The following EYS variants were observed in gnomAD, a reference collection of about 807,000 sequenced individuals.
EYS encodes the protein protein eyes shut homolog.
A neutral mutation model predicts 282.1 loss-of-function variants in EYS; 250 were observed. That is an observed-to-expected ratio of 0.89 (90% CI 0.80 to 0.98). EYS has a LOEUF of 0.98. Ranked by LOEUF, EYS falls within the 50% of genes least tolerant of loss-of-function variation. The pLI is 0.00. For missense variants in EYS, 4,016 were observed against 3,709.0 expected, an observed-to-expected ratio of 1.08 and a Z score of -2.15; for synonymous variants, 1,355 against 1,282.9, an observed-to-expected ratio of 1.06 and a Z score of -1.20.
chr6:63,893,250 C>A (rs1452326634), intron 35 of EYS, among the ~76,000 whole-genome samples: 2 of 152,158 alleles, frequency 1.3e-5, no homozygotes, highest in African/African-American at 4.8e-5. Flanking sequence ...GATTGTAAAT[C>A]ATTTTACTAT....
intron 5 of EYS, among the ~76,000 whole-genome samples, chr6:65,426,592 C>T (rs745959736): frequency 2.6e-4 from 39 of 152,186 alleles, no homozygotes; most frequent in Non-Finnish European, 4.9e-4. Context: ...ATCACCTCCA[C>T]TTTTTAAATT....
At chr6:64,082,093 T>A (rs1210127805) in intron 31 of EYS, 91 bp from the exon 32 acceptor site, 35 of 849,606 alleles carry the variant, frequency 4.1e-5, no homozygotes, top group Non-Finnish European at 6.0e-5. Context: ...AGCATTCATT[T>A]GAAAAGGTAA....
intron 36 of EYS, among the ~76,000 whole-genome samples, chr6:63,863,658 CTTTTCTTTTCTTTTTTCTTTT>C (rs1772592795): frequency 1.3e-5 from 1 of 78,980 alleles, no homozygotes; most frequent in African/African-American, 6.1e-5. Flanking sequence ...CTTTTCTTTT[CTTTTCTTTTCTTTTTTCTTTT>C]TTTTTTTTTT....
chr6:64,550,363 AG>A, intron 26 of EYS, among the ~76,000 whole-genome samples: 1 of 152,056 alleles, frequency 6.6e-6, no homozygotes, highest in South Asian at 2.1e-4. Flanking sequence ...ACAGTGTAAA[AG>A]TGTTCCTATT....
intron 1 of EYS, among the ~76,000 whole-genome samples, chr6:65,653,222 C>T (rs1229331001): frequency 1.3e-5 from 2 of 151,848 alleles, no homozygotes; most frequent in Non-Finnish European, 2.9e-5. Context: ...AAGCAGATGA[C>T]AGGGTTGCCC....
intron 2 of EYS, among the ~76,000 whole-genome samples, chr6:65,548,009 A>T (rs1411839): frequency 0.74 from 113,030 of 152,126 alleles, 42,714 homozygotes; most frequent in African/African-American, 0.88. Context: ...TCCACTGACA[A>T]ATTTAGATAA....
rs1270991405 is a variant in EYS at position 63,871,671 on chromosome 6, G to GA, written c.7056-7314dup. Among the ~76,000 whole-genome samples the GA allele has an allele frequency of 7.5e-3, 1,135 of 150,626 alleles. 13 individuals are homozygous for GA. The highest frequency in any genetic ancestry group is 0.025 in the African/African-American group (1,037 of 41,098). On this transcript the variant is annotated intron_variant, in intron 35 of 42. Coordinates refer to ENST00000503581, the MANE Select transcript of EYS (RefSeq NM_001142800.2). ...AGTGAGACTCCATCTCAAAAAGAAA[G>GA]AAAAAAAAAGAATGTGTTGTTTGTT...
At chr6:64,828,817 C>A (rs1765133131) in intron 19 of EYS, among the ~76,000 whole-genome samples, 1 of 151,900 alleles carries the variant, frequency 6.6e-6, no homozygotes, top group Non-Finnish European at 1.5e-5. Context: ...TCTGTCTGGG[C>A]CCTCCCTGGT....
intron 1 of EYS, among the ~76,000 whole-genome samples, chr6:65,676,786 C>A (rs1260549167): frequency 6.6e-6 from 1 of 151,550 alleles, no homozygotes; most frequent in African/African-American, 2.4e-5. Flanking sequence ...CAGATGAATA[C>A]AGATGTAAAA....
At chr6:65,046,707 C>T (rs1029951633) in intron 13 of EYS, among the ~76,000 whole-genome samples, 1 of 151,850 alleles carries the variant, frequency 6.6e-6, no homozygotes, top group Non-Finnish European at 1.5e-5. Flanking sequence ...CTATCACCAG[C>T]ATACAGGAAA....
Position 64,219,781 on chromosome 6 carries a change from C to T in EYS, c.6424+10811G>A, listed in dbSNP as rs980079846. 8.6e-5 allele frequency among the ~76,000 whole-genome samples: 13 copies of T among 152,016 alleles called. No homozygotes were observed. The South Asian group carries it at 2.5e-3, about 29-fold the overall frequency. Reference sequence around the variant, plus strand: ...CAATAGCAAAGACTTGGAACCAACCCAAATGTCCAACAATGATAGACTGGA... The same window carrying T: ...CAATAGCAAAGACTTGGAACCAACCTAAATGTCCAACAATGATAGACTGGA... On this transcript the variant is annotated intron_variant, in intron 31 of 42. Transcript: ENST00000503581.
intron 13 of EYS, among the ~76,000 whole-genome samples, chr6:65,028,177 C>T (rs752890812): frequency 2.6e-5 from 4 of 151,940 alleles, no homozygotes; most frequent in Non-Finnish European, 4.4e-5. Context: ...TTTTATATAG[C>T]TTAAAGCTTA....
At chr6:64,151,321 A>ATATATATATATATATATATATATTTT (rs1562226596) in intron 31 of EYS, among the ~76,000 whole-genome samples, 1 of 49,300 alleles carries the variant, frequency 2.0e-5, no homozygotes, top group African/African-American at 7.3e-5. Context: ...GTATATTTAT[A>ATATATATATATATATATATATATTTT]TATATATATA....
chr6:65,663,866 CTTTTTTTTTTTTTTT>C (rs66999581), intron 1 of EYS, among the ~76,000 whole-genome samples: 4 of 75,920 alleles, frequency 5.3e-5, no homozygotes, highest in African/African-American at 2.4e-4. Context: ...TTTTTCTTTT[CTTTTTTTTTTTTTTT>C]TTTTTTTGAG....
chr6:64,673,182 A>T (rs1769526708), intron 22 of EYS, among the ~76,000 whole-genome samples: 5 of 152,146 alleles, frequency 3.3e-5, no homozygotes, highest in Admixed American at 3.3e-4. Context: ...ATTAGTATAT[A>T]CCTCACTATC....
chr6:64,325,555 AC>A (rs955107474), intron 29 of EYS, among the ~76,000 whole-genome samples: 2 of 152,182 alleles, frequency 1.3e-5, no homozygotes, highest in Non-Finnish European at 2.9e-5. Context: ...AATAGTTCCA[AC>A]CTAAGAAGAA....
intron 12 of EYS, among the ~76,000 whole-genome samples, chr6:65,065,630 G>T (rs1470905450): frequency 6.6e-6 from 1 of 151,716 alleles, no homozygotes; most frequent in Non-Finnish European, 1.5e-5. Flanking sequence ...TGATCTGCCC[G>T]CCTCGGCCTC....
intron 12 of EYS, among the ~76,000 whole-genome samples, chr6:65,188,841 G>A (rs1245434621): frequency 6.6e-6 from 1 of 150,970 alleles, no homozygotes; most frequent in Non-Finnish European, 1.5e-5. Flanking sequence ...AGATGGAAGA[G>A]GCAAGAAAAC....
At chr6:63,768,170 G>T (rs1242954840) in intron 40 of EYS, among the ~76,000 whole-genome samples, 1 of 152,030 alleles carries the variant, frequency 6.6e-6, no homozygotes, top group Non-Finnish European at 1.5e-5. Context: ...GCTTGGTAAA[G>T]AATTTACGAC....
Sources: gnomAD v4.1 joint callset for allele counts (sites outside exome capture counted in the v4.1 genomes callset) on GRCh38, gnomAD v4.1.1 for gene constraint, MANE v1.5 for transcripts, NCBI Gene and HGNC (gene_info 2026-07-23, HGNC 2026-07-21) for gene names.